The following RFX4 variants were observed in gnomAD, a reference collection of about 807,000 sequenced individuals.
The protein encoded by RFX4 is regulatory factor X4.
A neutral mutation model predicts 95.0 loss-of-function variants in RFX4; 10 were observed. That is an observed-to-expected ratio of 0.11 (90% CI 0.06 to 0.18). The LOEUF is 0.18. RFX4 is among the 10% of genes least tolerant of loss of function. The probability of loss-of-function intolerance (pLI) is 1.00; values close to 1 mark genes in which losing one functional copy is unlikely to be tolerated. For missense variants in RFX4, 640 were observed against 922.0 expected (o/e 0.69, Z 3.96); for synonymous variants, 321 against 340.7 (o/e 0.94, Z 0.64).
intron 1 of RFX4, among the ~76,000 whole-genome samples, chr12:106,602,229 G>A (rs753017127): frequency 6.6e-6 from 1 of 152,192 alleles, no homozygotes; most frequent in Non-Finnish European, 1.5e-5. Flanking sequence ...AGCATGTGGA[G>A]CGGGGCAACC....
intron 4 of RFX4, among the ~76,000 whole-genome samples, chr12:106,668,005 C>T (rs11113078): frequency 0.21 from 31,209 of 152,088 alleles, 3,521 homozygotes; most frequent in South Asian, 0.28. Flanking sequence ...TGAGTTATTA[C>T]AAAAATTGGG....
At chr12:106,674,488 GC>G (rs1409678654) in intron 4 of RFX4, among the ~76,000 whole-genome samples, 1 of 151,774 alleles carries the variant, frequency 6.6e-6, no homozygotes, top group Admixed American at 6.6e-5. Flanking sequence ...GCACCACCAC[GC>G]CAAACTAATT....
At chr12:106,633,751 GA>G (rs1211838713) in intron 2 of RFX4, among the ~76,000 whole-genome samples, 3 of 152,226 alleles carry the variant, frequency 2.0e-5, no homozygotes, top group Non-Finnish European at 2.9e-5. Context: ...GTTTAGTTGG[GA>G]AAAAAACCTG....
chr12:106,733,984 T>C (rs954638197), intron 15 of RFX4, among the ~76,000 whole-genome samples: 5 of 152,232 alleles, frequency 3.3e-5, no homozygotes, highest in African/African-American at 1.2e-4. Context: ...TGGAATACTA[T>C]TGAACCTTGG....
At chr12:106,601,397 AG>A (rs950153404) in intron 1 of RFX4, 1 of 1,530,876 alleles carries the variant, frequency 6.5e-7, no homozygotes, top group Non-Finnish European at 8.8e-7. Context: ...TGGCACCCTC[AG>A]GGGGAACTGG....
chr12:106,744,994 G>T (rs372442846), intron 15 of RFX4, among the ~76,000 whole-genome samples: 1 of 152,120 alleles, frequency 6.6e-6, no homozygotes, highest in African/African-American at 2.4e-5. Context: ...ACTCCTGAGC[G>T]ATCGTCAGTC....
chr12:106,668,890 G>T (rs151324250), intron 4 of RFX4, among the ~76,000 whole-genome samples: 1 of 152,160 alleles, frequency 6.6e-6, no homozygotes. Flanking sequence ...TCAGGAAAAG[G>T]CTGGCTTATG....
intron 4 of RFX4, chr12:106,662,259 A>G (rs1034470773): frequency 8.2e-6 from 3 of 365,304 alleles, no homozygotes; most frequent in Non-Finnish European, 1.6e-5. Flanking sequence ...GGCCATTCTA[A>G]TAGGTATGTA....
Position 106,746,192 on chromosome 12 carries a change from C to T in RFX4, c.1634-1245C>T, listed in dbSNP as rs915804159. Among the ~76,000 whole-genome samples the T allele has an allele frequency of 2.9e-4, 44 of 152,086 alleles. 1 individual carries two copies. Among genetic ancestry groups the T allele is most frequent in the Middle Eastern group, 3.4e-3 (1 of 294 alleles). On this transcript the variant is annotated intron_variant, in intron 15 of 17. Coordinates refer to ENST00000392842, the MANE Select transcript of RFX4 (RefSeq NM_213594.3). ...CCAACATGGTGAAACCCTGTCTCTA[C>T]TAAAAATACAAATATTAGCCAGGCA...
rs35505166 is a variant in RFX4, at chr12:106,594,802, TA to T, written c.43+11453del. 9.2e-3 allele frequency among the ~76,000 whole-genome samples: 1,303 copies of T among 141,770 alleles called. 16 individuals carry two copies. The highest frequency in any genetic ancestry group is 0.027 in the African/African-American group (1,030 of 38,096). 93.0% of individuals were successfully genotyped at this position (141,770 alleles called of 152,430 possible). ...AGTTTTTCTTGGTATTGAGAGGGAT[TA>T]AAAAAAAAAAAAAGAAATGAAAACA... is the stretch of plus-strand genomic sequence containing the variant. On this transcript the variant is annotated intron_variant, in intron 1 of 17. Coordinates refer to ENST00000392842, the MANE Select transcript of RFX4 (RefSeq NM_213594.3).
rs1440749941 is a variant in RFX4 at position 106,684,727 on chromosome 12, A to T, written c.378-2157A>T. 7 of 1,509,346 alleles carry T rather than the reference A, an allele frequency of 4.6e-6. No individual in the cohort carries two copies. In the Admixed American group the frequency reaches 1.5e-4, roughly 31 times the overall value. 93.5% of individuals were successfully genotyped at this position (1,509,346 alleles called of 1,614,324 possible). A position where few individuals can be genotyped will look rare whatever the true frequency, so the allele number is the denominator to read the frequency against. ...AGTTCCAGGTGGGAAGGCAGTTATGACAGTTGAGAAGTAGTAGAAGACACG... is the reference window on the plus strand; with the variant it reads ...AGTTCCAGGTGGGAAGGCAGTTATGTCAGTTGAGAAGTAGTAGAAGACACG... On this transcript the variant is annotated intron_variant, in intron 5 of 17. Transcript: ENST00000392842.
intron 17 of RFX4, among the ~76,000 whole-genome samples, chr12:106,758,921 G>C (rs2043159266): frequency 6.6e-6 from 1 of 152,224 alleles, no homozygotes; most frequent in Admixed American, 6.5e-5. Context: ...TTGGATCACA[G>C]GATCCCTAAA....
intron 1 of RFX4, among the ~76,000 whole-genome samples, chr12:106,607,979 G>T (rs2039872931): frequency 6.6e-6 from 1 of 152,302 alleles, no homozygotes; most frequent in East Asian, 1.9e-4. Context: ...GATGGCCTGA[G>T]GTCAGGAGTT....
intron 2 of RFX4, among the ~76,000 whole-genome samples, chr12:106,621,165 G>A (rs1451780184): frequency 6.6e-6 from 1 of 152,164 alleles, no homozygotes; most frequent in Non-Finnish European, 1.5e-5. Context: ...GAATATAACA[G>A]GATTAAGAGG....
intron 9 of RFX4, among the ~76,000 whole-genome samples, chr12:106,709,718 A>G (rs944653733): frequency 6.6e-6 from 1 of 152,166 alleles, no homozygotes; most frequent in African/African-American, 2.4e-5. Context: ...TCTGCTCACC[A>G]CCACCACCAT....
chr12:106,661,378 T>G (rs993756058), intron 4 of RFX4, among the ~76,000 whole-genome samples: 3 of 152,216 alleles, frequency 2.0e-5, no homozygotes, highest in Non-Finnish European at 4.4e-5. Flanking sequence ...TTTTTGTTTG[T>G]GCATTTAAAA....
intron 2 of RFX4, among the ~76,000 whole-genome samples, chr12:106,629,448 GC>G (rs1474921399): frequency 2.0e-5 from 3 of 152,226 alleles, no homozygotes; most frequent in African/African-American, 7.2e-5. Flanking sequence ...ATACAGGGAA[GC>G]CCTGGGTTTT....
chr12:106,583,204 G>A lies in RFX4; in HGVS notation c.-117G>A. The A allele has an allele frequency of 1.1e-6, 1 of 886,330 alleles. No individual in the cohort carries two copies. Among genetic ancestry groups the A allele is most frequent in the Non-Finnish European group, 1.6e-6 (1 of 612,844 alleles). The allele number at this position is 886,330 out of a possible 1,614,324, so 54.9% of individuals were successfully genotyped here. On this transcript the variant is annotated 5_prime_UTR_variant, in exon 1 of 18. Transcript: ENST00000392842. ...ATCCTTGTGCCCCCTCACTTTCTGC[G>A]TCTCTCTCTCTCCCCTTCTCCCTCC...
intron 2 of RFX4, among the ~76,000 whole-genome samples, chr12:106,622,559 A>G (rs1055987622): frequency 1.3e-5 from 2 of 152,096 alleles, no homozygotes; most frequent in African/African-American, 4.8e-5. Flanking sequence ...CATATGTAGA[A>G]ATTGAAGCTC....
Sources: gnomAD v4.1 joint callset for allele counts (sites outside exome capture counted in the v4.1 genomes callset) on GRCh38, gnomAD v4.1.1 for gene constraint, MANE v1.5 for transcripts, NCBI Gene and HGNC (gene_info 2026-07-23, HGNC 2026-07-21) for gene names.